Variants in ITGB5 observed in about 807,000 individuals in gnomAD.
The protein encoded by ITGB5 is integrin subunit beta 5.
In ITGB5, 38 loss-of-function variants were observed where a neutral mutation model predicts 84.8. The ratio of observed to expected loss-of-function variants is 0.45; its 90% CI spans 0.35 to 0.59. ITGB5 has a LOEUF of 0.59. Among genes scored for constraint, ITGB5 ranks in the 20% least tolerant of loss-of-function variants. The pLI, the probability that ITGB5 is intolerant of heterozygous loss-of-function variation, is 0.01. For missense variants in ITGB5, 905 were observed against 1,034.5 expected, an observed-to-expected ratio of 0.87 and a Z score of 1.72; for synonymous variants, 393 against 414.4, an observed-to-expected ratio of 0.95 and a Z score of 0.63.
intron 9 of ITGB5, among the ~76,000 whole-genome samples, chr3:124,800,506 A>G (rs2064299509): frequency 6.6e-6 from 1 of 151,996 alleles, no homozygotes; most frequent in Non-Finnish European, 1.5e-5. Flanking sequence ...GCAAGCAAGG[A>G]GGGCCCAGCT....
upstream of ITGB5, chr3:124,887,753 A>G (rs1266825693): frequency 4.5e-6 from 2 of 443,854 alleles, no homozygotes; most frequent in African/African-American, 4.0e-5. Flanking sequence ...GAGAGCAGGT[A>G]CGGGGGTCGT....
chr3:124,892,453 G>T (rs900343703), upstream of ITGB5, among the ~76,000 whole-genome samples: 1 of 151,274 alleles, frequency 6.6e-6, no homozygotes, highest in Non-Finnish European at 1.5e-5. Context: ...GGGAGGAAGG[G>T]GGGAGGGAGG....
At chr3:124,810,908 T>TTTTCTTTCTTTCTTTC (rs10644920) in intron 8 of ITGB5, among the ~76,000 whole-genome samples, 53 of 150,062 alleles carry the variant, frequency 3.5e-4, no homozygotes, top group African/African-American at 1.2e-3. Flanking sequence ...CTCTTGTGGG[T>TTTTCTTTCTTTCTTTC]TTTCTTTCTT....
At chr3:124,834,585 A>AGAAG (rs2064905802) in intron 5 of ITGB5, among the ~76,000 whole-genome samples, 1 of 52,696 alleles carries the variant, frequency 1.9e-5, no homozygotes, top group African/African-American at 8.7e-5. Context: ...AAGGAAGGAA[A>AGAAG]GAAGGAAGGA....
intron 10 of ITGB5, among the ~76,000 whole-genome samples, chr3:124,775,034 C>T (rs888229380): frequency 3.9e-5 from 6 of 152,362 alleles, no homozygotes; most frequent in African/African-American, 1.4e-4. Context: ...CCAAAGTCTA[C>T]TGCCTCCTAT....
At chr3:124,858,326 G>A (rs949146958) in intron 3 of ITGB5, among the ~76,000 whole-genome samples, 2 of 152,008 alleles carry the variant, frequency 1.3e-5, no homozygotes, top group Non-Finnish European at 2.9e-5. Flanking sequence ...GTTTGTCCTT[G>A]CAGAATGCTA....
At chr3:124,816,210 G>A (rs980101093) in intron 8 of ITGB5, among the ~76,000 whole-genome samples, 2 of 152,218 alleles carry the variant, frequency 1.3e-5, no homozygotes, top group Non-Finnish European at 2.9e-5. Context: ...ACTAAGCGCA[G>A]GGCTGGCTAC....
intron 1 of ITGB5, among the ~76,000 whole-genome samples, chr3:124,885,739 G>A (rs769630987): frequency 6.6e-6 from 1 of 152,184 alleles, no homozygotes; most frequent in Non-Finnish European, 1.5e-5. Context: ...TACTCTCCAA[G>A]CTCTGGAGTG....
In ITGB5 at chr3:124,896,746, T is replaced by TAAAAA. The variant is rs34601718; in HGVS notation, c.-255+4515_-255+4519dup. On this transcript the variant is annotated intron_variant, in intron 1 of 4. Coordinates refer to the ITGB5 transcript ENST00000608657. ...TGGGACACAGAGTGAGACCTTGTCTTAAAAAAAAAAAAAAAAAGGGAGAAG... is the reference window on the plus strand; with the variant it reads ...TGGGACACAGAGTGAGACCTTGTCTTAAAAAAAAAAAAAAAAAAAAAAGGGAGAAG... Among the ~76,000 whole-genome samples the TAAAAA allele has an allele frequency of 2.6e-4, 33 of 124,562 alleles. 1 individual carries two copies. Among genetic ancestry groups the TAAAAA allele is most frequent in the East Asian group, 7.1e-4 (3 of 4,234 alleles). 81.7% of individuals were successfully genotyped at this position (124,562 alleles called of 152,430 possible).
intron 10 of ITGB5, among the ~76,000 whole-genome samples, chr3:124,789,165 G>A (rs1394247915): frequency 6.6e-6 from 1 of 152,228 alleles, no homozygotes; most frequent in Non-Finnish European, 1.5e-5. Flanking sequence ...CCCCAAGGAC[G>A]GCTGCCAGGC....
At chr3:124,888,567 C>A (rs553208786), upstream of ITGB5, among the ~76,000 whole-genome samples, 33 of 152,328 alleles carry the variant, frequency 2.2e-4, 1 homozygote, top group Middle Eastern at 3.4e-3. Context: ...ACACTGCCAG[C>A]CAGGCACTGT....
Position 124,763,856 on chromosome 3 carries a change from G to C in ITGB5, c.2305-138C>G, listed in dbSNP as rs183177994. The stretch of plus-strand genomic sequence containing the variant: ...GCAGAGCACTCAGGAGGAGACGGCC[G>C]TGGGCTCTAGGACAGCTCTGTGTTC... On this transcript the variant is annotated intron_variant, in intron 14 of 14. Coordinates refer to ENST00000296181, the MANE Select transcript of ITGB5 (RefSeq NM_002213.5). 1.7e-5 allele frequency: 10 copies of C among 594,454 alleles called. No homozygotes were observed. In the Admixed American group the frequency reaches 2.9e-4, roughly 17 times the overall value. The allele number at this position is 594,454 out of a possible 1,614,324, so 36.8% of individuals were successfully genotyped here. A position where few individuals can be genotyped will look rare whatever the true frequency, so the allele number is the denominator to read the frequency against.
At chr3:124,834,564 A>G (rs1579269931) in intron 5 of ITGB5, among the ~76,000 whole-genome samples, 1 of 40,292 alleles carries the variant, frequency 2.5e-5, no homozygotes. Flanking sequence ...GGGGGGAGGG[A>G]GGGAGGAAGG....
intron 11 of ITGB5, 157 bp from the exon 12 acceptor site, chr3:124,769,270 T>G: frequency 1.6e-6 from 1 of 609,612 alleles, no homozygotes. Flanking sequence ...GCCTTTCTTC[T>G]TGTTATGGGA....
At chr3:124,853,846 A>C (rs1194451220) in intron 3 of ITGB5, among the ~76,000 whole-genome samples, 1 of 152,220 alleles carries the variant, frequency 6.6e-6, no homozygotes, top group Non-Finnish European at 1.5e-5. Flanking sequence ...TTACTTTTGC[A>C]ACTTCTTGTG....
chr3:124,794,005 C>T (rs967764814), intron 10 of ITGB5, among the ~76,000 whole-genome samples: 4 of 152,230 alleles, frequency 2.6e-5, no homozygotes, highest in Admixed American at 6.5e-5. Flanking sequence ...ACAATTCCTC[C>T]TCCCATAGGA....
upstream of ITGB5, chr3:124,887,622 C>T (rs1275612349): frequency 2.3e-6 from 1 of 425,738 alleles, no homozygotes; most frequent in African/African-American, 2.0e-5. Context: ...GGGCTCGAAA[C>T]CACTGAGTAG....
intron 9 of ITGB5, among the ~76,000 whole-genome samples, chr3:124,805,021 CCTTT>C (rs1319346562): frequency 4.6e-5 from 7 of 151,414 alleles, no homozygotes; most frequent in East Asian, 1.9e-4. Flanking sequence ...TTCCTTCCTT[CCTTT>C]CTTTTGCCCT....
intron 5 of ITGB5, among the ~76,000 whole-genome samples, chr3:124,824,058 A>G (rs1220511622): frequency 6.6e-6 from 1 of 152,248 alleles, no homozygotes; most frequent in Non-Finnish European, 1.5e-5. Context: ...AAAGCCTAGA[A>G]GGCCTTTTTG....
Sources: gnomAD v4.1 joint callset for allele counts (sites outside exome capture counted in the v4.1 genomes callset) on GRCh38, gnomAD v4.1.1 for gene constraint, MANE v1.5 for transcripts, NCBI Gene and HGNC (gene_info 2026-07-23, HGNC 2026-07-21) for gene names.